The following SETD2 variants were observed in gnomAD, a reference collection of about 807,000 sequenced individuals.
SETD2 encodes SET domain containing 2, histone lysine methyltransferase.
In SETD2, 31 loss-of-function variants were observed where a neutral mutation model predicts 242.1. The ratio of observed to expected loss-of-function variants is 0.13; its 90% CI spans 0.10 to 0.17. The LOEUF is 0.17. Ranked by LOEUF, SETD2 falls within the 10% of genes least tolerant of loss-of-function variation. The pLI, the probability that SETD2 is intolerant of heterozygous loss-of-function variation, is 1.00. For synonymous variants in SETD2, 1,006 were observed against 1,066.5 expected (o/e 0.94, Z 1.11); for missense variants, 2,481 against 3,046.3 (o/e 0.81, Z 4.37).
intron 15 of SETD2, chr3:47,046,830 G>T: frequency 2.5e-5 from 8 of 326,140 alleles, no homozygotes; most frequent in South Asian, 2.4e-4. Context: ...TACTTACTTT[G>T]ATTTTACTTT....
intron 5 of SETD2, 88 bp from the exon 6 acceptor site, chr3:47,106,208 T>G: frequency 8.8e-7 from 1 of 1,133,062 alleles, no homozygotes; most frequent in South Asian, 1.6e-5. Context: ...GGAATTTAAA[T>G]AAATACTGCA....
At chr3:47,094,947 C>G (rs941036738) in intron 9 of SETD2, among the ~76,000 whole-genome samples, 1 of 152,196 alleles carries the variant, frequency 6.6e-6, no homozygotes, top group Admixed American at 6.5e-5. Context: ...ACAGAAATAT[C>G]TAGTCCTTAG....
chr3:47,024,198 C>T (rs902315070), intron 18 of SETD2, among the ~76,000 whole-genome samples: 3 of 151,940 alleles, frequency 2.0e-5, no homozygotes, highest in Non-Finnish European at 4.4e-5. Context: ...AAAGGCCAGG[C>T]GTGGTGACTC....
chr3:47,062,422 G>GT, intron 13 of SETD2, 76 bp from the exon 14 acceptor site: 2 of 1,279,954 alleles, frequency 1.6e-6, no homozygotes, highest in Non-Finnish European at 2.2e-6. Context: ...TCATGACAAT[G>GT]TATCAACTGT....
At chr3:47,128,282 C>T (rs550337099) in intron 1 of SETD2, among the ~76,000 whole-genome samples, 19 of 152,154 alleles carry the variant, frequency 1.2e-4, no homozygotes, top group Admixed American at 4.6e-4. Flanking sequence ...TATGTTCTAA[C>T]AAAGGTAACC....
intron 1 of SETD2, chr3:47,127,425 A>C (rs1158875641): frequency 4.4e-6 from 1 of 227,984 alleles, no homozygotes; most frequent in Non-Finnish European, 9.2e-6. Flanking sequence ...AGGCAGAGTC[A>C]GAGATTAACA....
intron 18 of SETD2, among the ~76,000 whole-genome samples, chr3:47,035,431 T>A (rs1413580934): frequency 2.0e-5 from 3 of 152,236 alleles, no homozygotes; most frequent in Non-Finnish European, 4.4e-5. Context: ...GAACGTCTAA[T>A]TGTGTAGCAT....
chr3:47,123,053 T>A lies in SETD2; in HGVS notation c.1583A>T (p.Lys528Ile), dbSNP rs2106694285. ...TTCATTAGGGGGAGAACAACATCTT[T>A]TAATTGCTTCATTTTCTGAAGTCCT... The part of the protein sequence containing the change: ...SKRTSENEAI[K>I]RCCSPPNELG... Residue 528 changes from lysine to isoleucine, a missense_variant, in exon 3 of 21, where the codon AAA becomes ATA. This residue lies in a region of SETD2 where 1,300 missense variants were observed against 1,259.2 expected (regional missense o/e 1.03). Coordinates refer to ENST00000409792, the MANE Select transcript of SETD2 (RefSeq NM_014159.7). 6.2e-7 allele frequency: 1 copy of A among 1,614,058 alleles called. No homozygotes were observed. Among genetic ancestry groups the A allele is most frequent in the Non-Finnish European group, 8.5e-7 (1 of 1,179,976 alleles).
At chr3:47,092,436 TAA>T (rs1282239666) in intron 9 of SETD2, among the ~76,000 whole-genome samples, 1 of 151,550 alleles carries the variant, frequency 6.6e-6, no homozygotes, top group Non-Finnish European at 1.5e-5. Flanking sequence ...GGTAAGTAAC[TAA>T]AAGTAAACAT....
At chr3:47,025,129 T>C (rs978383040) in intron 18 of SETD2, among the ~76,000 whole-genome samples, 2 of 152,206 alleles carry the variant, frequency 1.3e-5, no homozygotes, top group African/African-American at 2.4e-5. Context: ...TAGCAGCCAC[T>C]GCAGGGAGCT....
At chr3:47,046,794 CT>C in intron 15 of SETD2, 173 bp from the exon 16 acceptor site, 2 of 392,806 alleles carry the variant, frequency 5.1e-6, no homozygotes, top group Non-Finnish European at 8.7e-6. Context: ...CCCAAAGTTT[CT>C]TTTTTTACTA....
chr3:47,105,439 G>T (rs1355723043), intron 6 of SETD2, among the ~76,000 whole-genome samples: 3 of 149,458 alleles, frequency 2.0e-5, no homozygotes, highest in African/African-American at 7.4e-5. Flanking sequence ...GCACTCTGGG[G>T]GTCATCAATA....
intron 11 of SETD2, 38 bp downstream of exon 11, chr3:47,086,157 A>G: frequency 3.1e-6 from 5 of 1,607,200 alleles, no homozygotes; most frequent in African/African-American, 2.7e-5. Context: ...AATCAATATA[A>G]CAGTTTTAAG....
chr3:47,137,026 CA>C (rs2043603803), intron 1 of SETD2, among the ~76,000 whole-genome samples: 1 of 152,124 alleles, frequency 6.6e-6, no homozygotes. Context: ...GCCCAATCCC[CA>C]CCAACATGCA....
At chr3:47,127,665 C>G (rs1274698806) in intron 1 of SETD2, 1 of 342,028 alleles carries the variant, frequency 2.9e-6, no homozygotes, top group Non-Finnish European at 5.7e-6. Flanking sequence ...AGCTCGAGAC[C>G]AGCCTGGCCA....
chr3:47,035,305 G>A (rs554527733), intron 18 of SETD2, among the ~76,000 whole-genome samples: 8 of 152,148 alleles, frequency 5.3e-5, no homozygotes, highest in Admixed American at 3.9e-4. Context: ...TTGTGAAGGC[G>A]CCAGCTCCAT....
chr3:47,063,719 T>G (rs2040437360), intron 13 of SETD2, among the ~76,000 whole-genome samples: 1 of 152,176 alleles, frequency 6.6e-6, no homozygotes, highest in East Asian at 1.9e-4. Context: ...GCACTGTGGC[T>G]CACGCTTGTA....
chr3:47,049,995 ATG>A (rs1354627401), intron 15 of SETD2, among the ~76,000 whole-genome samples: 1 of 147,332 alleles, frequency 6.8e-6, no homozygotes, highest in African/African-American at 2.5e-5. Flanking sequence ...ATATAAATTT[ATG>A]TTTCTTATAT....
intron 1 of SETD2, among the ~76,000 whole-genome samples, chr3:47,152,514 C>A (rs549004618): frequency 6.6e-6 from 1 of 152,158 alleles, no homozygotes. Flanking sequence ...TACATTCACA[C>A]AAAACTCATA....
Sources: allele counts gnomAD v4.1 joint callset (sites outside exome capture counted in the v4.1 genomes callset), GRCh38; gene constraint gnomAD v4.1.1; regional missense constraint gnomAD v4.1.1; transcripts MANE v1.5; gene names NCBI Gene and HGNC (gene_info 2026-07-23, HGNC 2026-07-21).